Variants in LBP observed in about 807,000 individuals in gnomAD.
The protein encoded by LBP is lipopolysaccharide binding protein.
Under a neutral mutation model 56.6 loss-of-function variants are expected in LBP, and 53 were observed. The observed-to-expected ratio is 0.94, with a 90% CI of 0.75 to 1.18. The LOEUF is 1.18. Among genes scored for constraint, LBP ranks in the 50% most tolerant of loss-of-function variants. The pLI, the probability that LBP is intolerant of heterozygous loss-of-function variation, is 0.00. For synonymous variants in LBP, 227 were observed against 247.5 expected, an observed-to-expected ratio of 0.92 and a Z score of 0.78; for missense variants, 601 against 598.3, an observed-to-expected ratio of 1.00 and a Z score of -0.05.
chr20:38,370,690 A>C, intron 10 of LBP, 48 bp from the exon 11 acceptor site: 2 of 1,527,480 alleles, frequency 1.3e-6, no homozygotes, highest in Non-Finnish European at 1.8e-6. Context: ...CTTCCTATAC[A>C]TACAACCTTC....
At chr20:38,360,154 A>G (rs565091667) in intron 5 of LBP, among the ~76,000 whole-genome samples, 3 of 151,708 alleles carry the variant, frequency 2.0e-5, no homozygotes, top group East Asian at 3.9e-4. Flanking sequence ...TGGGAGGCTG[A>G]GGCAGGAGAA....
rs749321622 is a variant in LBP at position 38,349,675 on chromosome 20, C to T, written c.239+13C>T. On this transcript the variant is annotated intron_variant, in intron 2 of 14. Transcript: ENST00000217407. ...ATGAGTTCCACAGGTGGGGCTCTCC[C>T]TTCTGCTGCGGCTCTGAAGTGGCTG... 7.1e-6 allele frequency: 11 copies of T among 1,553,748 alleles called. No homozygotes were observed. Among genetic ancestry groups the T allele is most frequent in the Middle Eastern group, 1.7e-4 (1 of 5,896 alleles).
rs898394246 is a variant in LBP, at chr20:38,369,088, G to A, written c.1075G>A (p.Asp359Asn). 6 of 1,614,002 alleles carry A rather than the reference G, an allele frequency of 3.7e-6. No individual in the cohort carries two copies. Among genetic ancestry groups the A allele is most frequent in the African/African-American group, 1.3e-5 (1 of 74,906 alleles). Residue 359 changes from aspartate (D) to asparagine (N), a missense_variant, in exon 10 of 15, where the codon GAC becomes AAC. By Grantham distance (23) the Asp-to-Asn change is conservative. Transcript: ENST00000217407. ...CTTCAGCCCTGGGAATCTGTCTGTG[G>A]ACCCCTATATGGAGATAGATGCCTT... ...LNFSPGNLSVDPYMEIDAFVL... is the reference protein window; with the variant it reads ...LNFSPGNLSVNPYMEIDAFVL...
chr20:38,362,734 G>A (rs142642686), intron 6 of LBP, among the ~76,000 whole-genome samples: 117 of 152,134 alleles, frequency 7.7e-4, no homozygotes, highest in African/African-American at 2.6e-3. Context: ...TATCACTTCA[G>A]TTCAGGAGTT....
chr20:38,353,452 G>A (rs148173975), intron 3 of LBP, among the ~76,000 whole-genome samples: 28 of 147,510 alleles, frequency 1.9e-4, no homozygotes, highest in Non-Finnish European at 3.3e-4. Flanking sequence ...TCAACCTGTC[G>A]CTGCTAGCGG....
At chr20:38,369,529 C>A (rs1290535347) in intron 10 of LBP, among the ~76,000 whole-genome samples, 1 of 152,160 alleles carries the variant, frequency 6.6e-6, no homozygotes, top group Non-Finnish European at 1.5e-5. Flanking sequence ...GACTACATTT[C>A]CCAAGCTTCT....
chr20:38,354,579 G>A, intron 4 of LBP, 140 bp downstream of exon 4: 1 of 670,132 alleles, frequency 1.5e-6, no homozygotes, highest in Non-Finnish European at 2.4e-6. Context: ...GGGGAACCCT[G>A]TTGAGATGAA....
chr20:38,357,485 G>A (rs577639656), intron 5 of LBP, among the ~76,000 whole-genome samples: 1 of 152,306 alleles, frequency 6.6e-6, no homozygotes, highest in East Asian at 1.9e-4. Flanking sequence ...AGAAGAATAA[G>A]CACTCACGAA....
chr20:38,360,215 G>A (rs6127855), intron 5 of LBP, among the ~76,000 whole-genome samples: 2,546 of 146,594 alleles, frequency 0.017, 90 homozygotes, highest in East Asian at 0.14. Flanking sequence ...AGCCGAGATC[G>A]CAACACTGCA....
intron 5 of LBP, among the ~76,000 whole-genome samples, chr20:38,359,600 A>AC (rs200383981): frequency 4.0e-4 from 33 of 82,702 alleles, no homozygotes; most frequent in African/African-American, 3.8e-3. Flanking sequence ...AACAACAACA[A>AC]AAAAAAAAAC....
Position 38,376,644 on chromosome 20 carries a change from C to T in LBP, c.1421C>T (p.Ala474Val), listed in dbSNP as rs777130313. 1 of 1,613,960 alleles carries T rather than the reference C, an allele frequency of 6.2e-7. No individual in the cohort carries two copies. The highest frequency in any genetic ancestry group is 2.2e-5 in the East Asian group (1 of 44,880). Reference protein sequence around the residue: ...QIHKDFLFLGANVQYMRV With the variant: ...QIHKDFLFLGVNVQYMRV ...TCCTAGGACTTCCTGTTCTTGGGTGCCAATGTCCAATACATGAGAGTTTGA... is the reference window on the plus strand; with the variant it reads ...TCCTAGGACTTCCTGTTCTTGGGTGTCAATGTCCAATACATGAGAGTTTGA... The change falls in exon 15 of 15, where the codon GCC becomes GTC. Residue 474 changes from alanine (A) to valine (V), a missense_variant. Ala to Val is a moderately conservative substitution (Grantham distance 64). Transcript: ENST00000217407.
Position 38,366,786 on chromosome 20 carries a change from T to C in LBP, c.939T>C (p.Asn313=). 1 of 1,614,148 alleles carries C rather than the reference T, an allele frequency of 6.2e-7. No individual in the cohort carries two copies. The highest frequency in any genetic ancestry group is 8.5e-7 in the Non-Finnish European group (1 of 1,180,036). Residue 313 remains asparagine (N), a synonymous_variant, in exon 9 of 15, where the codon AAT becomes AAC. Coordinates refer to ENST00000217407, the MANE Select transcript of LBP (RefSeq NM_004139.5). ...ITDDMIPPDS[N]IRLTTKSFRP... is the part of the protein sequence containing the mutation. Reference sequence around the variant, plus strand: ...TGCTGCAGATACCGCCTGACTCTAATATCCGACTGACCACCAAGTCCTTCC... The same window carrying C: ...TGCTGCAGATACCGCCTGACTCTAACATCCGACTGACCACCAAGTCCTTCC...
chr20:38,357,405 G>A (rs1411349906), intron 5 of LBP, among the ~76,000 whole-genome samples: 1 of 152,192 alleles, frequency 6.6e-6, no homozygotes, highest in East Asian at 1.9e-4. Flanking sequence ...GAAAAACTAA[G>A]AGCCTGACGC....
In LBP at chr20:38,354,288, C is replaced by CT; in HGVS notation, c.374dup (p.Gln126ThrfsTer5). The CT allele has an allele frequency of 6.2e-7, 1 of 1,612,596 alleles. No individual in the cohort carries two copies. Among genetic ancestry groups the CT allele is most frequent in the Non-Finnish European group, 8.5e-7 (1 of 1,179,292 alleles). ...GGCTTCTCTTACCTCCTCCAGCAAACTACAGGGCTCCTTTGATGTCAGTGT... is the reference window on the plus strand; with the variant it reads ...GGCTTCTCTTACCTCCTCCAGCAAACTTACAGGGCTCCTTTGATGTCAGTGT... On this transcript the variant is annotated frameshift_variant, in exon 4 of 15. Transcript: ENST00000217407. LOFTEE classifies it high-confidence loss of function.
chr20:38,353,624 G>C (rs538468942), intron 3 of LBP, among the ~76,000 whole-genome samples: 3 of 151,314 alleles, frequency 2.0e-5, no homozygotes, highest in African/African-American at 7.3e-5. Flanking sequence ...ATGTATGTTA[G>C]AACGAGGAGA....
intron 9 of LBP, among the ~76,000 whole-genome samples, 199 bp from the exon 10 acceptor site, chr20:38,368,796 C>T (rs778582261): frequency 1.4e-4 from 22 of 152,052 alleles, no homozygotes; most frequent in Non-Finnish European, 2.5e-4. Context: ...ACAACACAGC[C>T]GTGAAATAGA....
chr20:38,370,771 A>G lies in LBP; in HGVS notation c.1183A>G (p.Thr395Ala). 6.2e-7 allele frequency: 1 copy of G among 1,614,062 alleles called. No individual in the cohort carries two copies. The highest frequency in any genetic ancestry group is 8.5e-7 in the Non-Finnish European group (1 of 1,180,012). ...TGTGTCCGCCACCTTGACCTTCAAT[A>G]CCAGCAAGATCACTGGGTTCCTGAA... is the stretch of plus-strand genomic sequence containing the variant. ...TNVSATLTFN[T>A]SKITGFLKPG... Residue 395 changes from threonine (T) to alanine (A), a missense_variant, in exon 11 of 15, where the codon ACC (threonine) becomes GCC (alanine). Coordinates refer to ENST00000217407, the MANE Select transcript of LBP (RefSeq NM_004139.5).
chr20:38,355,220 G>C (rs1401607926), intron 4 of LBP, 126 bp from the exon 5 acceptor site: 4 of 798,238 alleles, frequency 5.0e-6, no homozygotes, highest in Non-Finnish European at 8.6e-6. Context: ...CTGGGACACA[G>C]CAGGGCGCCG....
At position 38,354,455 on chromosome 20, in the gene LBP, G is replaced by T; in HGVS notation, c.524+16G>T. The T allele has an allele frequency of 6.3e-7, 1 of 1,598,364 alleles. No homozygotes were observed. The highest frequency in any genetic ancestry group is 1.1e-5 in the South Asian group (1 of 89,112). On this transcript the variant is annotated intron_variant, in intron 4 of 14. Coordinates refer to ENST00000217407, the MANE Select transcript of LBP (RefSeq NM_004139.5). Reference sequence around the variant, plus strand: ...GAGACTTGGGGTAGGTCTCCATCGGGGCACTGCCAGCTGGACTCCTGGTTG... The same window carrying T: ...GAGACTTGGGGTAGGTCTCCATCGGTGCACTGCCAGCTGGACTCCTGGTTG...
Sources: allele counts gnomAD v4.1 joint callset (sites outside exome capture counted in the v4.1 genomes callset), GRCh38; gene constraint gnomAD v4.1.1; transcripts MANE v1.5; gene names NCBI Gene and HGNC (gene_info 2026-07-23, HGNC 2026-07-21).